Variants in NOS1AP observed in about 807,000 individuals in gnomAD.
NOS1AP encodes the protein nitric oxide synthase 1 adaptor protein.
In NOS1AP, 21 loss-of-function variants were observed where a neutral mutation model predicts 56.2. The ratio of observed to expected loss-of-function variants is 0.37; its 90% CI spans 0.26 to 0.54. The LOEUF (loss-of-function observed/expected upper bound fraction) is 0.54, where lower values mean the gene tolerates loss of function less well. Among genes scored for constraint, NOS1AP ranks in the 20% least tolerant of loss-of-function variants. The pLI is 0.84. For synonymous variants in NOS1AP, 270 were observed against 274.6 expected (o/e 0.98, Z 0.17); for missense variants, 522 against 657.8 (o/e 0.79, Z 2.26).
chr1:162,347,260 A>G (rs999921001), intron 6 of NOS1AP, among the ~76,000 whole-genome samples: 46 of 152,236 alleles, frequency 3.0e-4, no homozygotes, highest in African/African-American at 1.1e-3. Context: ...CCTGATTGGC[A>G]GAGAGCCACA....
intron 1 of NOS1AP, among the ~76,000 whole-genome samples, chr1:162,080,955 CAG>C (rs994462261): frequency 1.2e-4 from 18 of 152,160 alleles, no homozygotes; most frequent in Admixed American, 1.2e-3. Flanking sequence ...CATAGAGAGG[CAG>C]AGTAACTTGC....
intron 8 of NOS1AP, among the ~76,000 whole-genome samples, chr1:162,361,299 G>A (rs946922462): frequency 1.6e-4 from 25 of 152,210 alleles, no homozygotes; most frequent in African/African-American, 6.0e-4. Flanking sequence ...CCCATCTGGT[G>A]GGGAGGAGGT....
chr1:162,305,059 C>A (rs1655778393), intron 4 of NOS1AP, among the ~76,000 whole-genome samples: 2 of 151,950 alleles, frequency 1.3e-5, no homozygotes, highest in Non-Finnish European at 2.9e-5. Context: ...TTTATTAAGT[C>A]AAATTTTTTA....
Position 162,367,371 on chromosome 1 carries a change from G to C in NOS1AP, c.1425G>C (p.Glu475Asp). Residue 475 changes from glutamate to aspartate, a missense_variant, in exon 10 of 10, where the codon GAG (glutamate) becomes GAC (aspartate). Around this residue, in one of 4 missense-constraint regions of NOS1AP, gnomAD observed 160 missense variants for 180.3 expected, o/e 0.89. Transcript: ENST00000361897. This position sits in a 1 kb window ranked among gnomAD's most constrained non-coding sequence, Gnocchi z 6.5. ...EYESNTDESEERDSWSQEELP... is the reference protein window; with the variant it reads ...EYESNTDESEDRDSWSQEELP... ...AGTCCAACACGGACGAGAGCGAGGA[G>C]CGCGACTCGTGGTCCCAGGAGGAGC... 1 of 1,610,800 alleles carries C rather than the reference G, an allele frequency of 6.2e-7. No individual in the cohort carries two copies. The highest frequency in any genetic ancestry group is 8.5e-7 in the Non-Finnish European group (1 of 1,178,682).
chr1:162,237,904 GTCC>G (rs1187989610), intron 2 of NOS1AP, among the ~76,000 whole-genome samples: 1 of 152,070 alleles, frequency 6.6e-6, no homozygotes, highest in Non-Finnish European at 1.5e-5. Flanking sequence ...GTCCTTTGCT[GTCC>G]TCTTGTCTGC....
At chr1:162,209,983 C>A (rs1297797704) in intron 2 of NOS1AP, among the ~76,000 whole-genome samples, 1 of 152,142 alleles carries the variant, frequency 6.6e-6, no homozygotes, top group Non-Finnish European at 1.5e-5. Context: ...AGACGAGTGA[C>A]CAGACTAGAT....
intron 2 of NOS1AP, among the ~76,000 whole-genome samples, chr1:162,230,377 T>C (rs1030581243): frequency 6.6e-6 from 1 of 152,214 alleles, no homozygotes; most frequent in African/African-American, 2.4e-5. Flanking sequence ...GGACCCAATG[T>C]TGTGCCAGCT....
At chr1:162,125,156 C>T (rs777643293) in intron 1 of NOS1AP, among the ~76,000 whole-genome samples, 5 of 124,420 alleles carry the variant, frequency 4.0e-5, no homozygotes, top group South Asian at 2.3e-4. Flanking sequence ...TTTTTTAAGA[C>T]GGAGTCTCAC....
chr1:162,309,178 T>C lies in NOS1AP; in HGVS notation c.344+8472T>C, dbSNP rs533779225. Among the ~76,000 whole-genome samples, 13 of 152,376 alleles carry C rather than the reference T, an allele frequency of 8.5e-5. No individual in the cohort carries two copies. In the South Asian group the frequency reaches 2.3e-3, roughly 27 times the overall value. On this transcript the variant is annotated intron_variant, in intron 4 of 9. Coordinates refer to ENST00000361897, the MANE Select transcript of NOS1AP (RefSeq NM_014697.3). ...ATTTCTTGGGAAATCAGGATACCCA[T>C]GTAGTATGTTTCACTTAGTTAACAA...
chr1:162,225,529 G>A (rs149180194), intron 2 of NOS1AP, among the ~76,000 whole-genome samples: 9 of 152,348 alleles, frequency 5.9e-5, no homozygotes, highest in Non-Finnish European at 1.0e-4. Flanking sequence ...GTTTGTGGGA[G>A]TGTTTTTTGA....
intron 4 of NOS1AP, among the ~76,000 whole-genome samples, chr1:162,322,484 T>C (rs912619135): frequency 2.0e-5 from 3 of 152,152 alleles, no homozygotes; most frequent in African/African-American, 7.2e-5. Flanking sequence ...GCAGGTGGCA[T>C]GAGAGGTATG....
intron 4 of NOS1AP, among the ~76,000 whole-genome samples, chr1:162,324,205 GC>G (rs1252133547): frequency 1.3e-5 from 2 of 151,998 alleles, no homozygotes; most frequent in African/African-American, 2.4e-5. Flanking sequence ...GATGGTTTAA[GC>G]CCCCCAAATG....
At chr1:162,241,644 G>T (rs1653491033) in intron 2 of NOS1AP, among the ~76,000 whole-genome samples, 1 of 152,076 alleles carries the variant, frequency 6.6e-6, no homozygotes, top group Admixed American at 6.5e-5. Flanking sequence ...GCACAATGTG[G>T]GAGAGAGAAT....
intron 2 of NOS1AP, among the ~76,000 whole-genome samples, chr1:162,162,686 A>G (rs1332019006): frequency 6.6e-6 from 1 of 152,160 alleles, no homozygotes; most frequent in Non-Finnish European, 1.5e-5. Context: ...ATTTGTGTTT[A>G]ATTTATAAAT....
At chr1:162,121,350 C>T (rs950499123) in intron 1 of NOS1AP, among the ~76,000 whole-genome samples, 17 of 151,928 alleles carry the variant, frequency 1.1e-4, no homozygotes, top group Admixed American at 3.9e-4. Flanking sequence ...AACTCCTGAC[C>T]TCAAGTGATC....
chr1:162,217,751 T>C (rs1257043558), intron 2 of NOS1AP, among the ~76,000 whole-genome samples: 1 of 152,194 alleles, frequency 6.6e-6, no homozygotes, highest in African/African-American at 2.4e-5. Context: ...CTTTATCCTG[T>C]CCTCTTTTCT....
intron 3 of NOS1AP, among the ~76,000 whole-genome samples, chr1:162,291,797 G>A (rs1257681791): frequency 1.3e-5 from 2 of 152,190 alleles, no homozygotes; most frequent in Admixed American, 6.5e-5. Flanking sequence ...ATAATTAGCT[G>A]TACTTTGATG....
intron 1 of NOS1AP, among the ~76,000 whole-genome samples, chr1:162,133,993 G>C (rs992344065): frequency 1.3e-5 from 2 of 152,048 alleles, no homozygotes; most frequent in African/African-American, 4.8e-5. Context: ...GAGGAGAGAA[G>C]GAAGAGAAGA....
At chr1:162,125,331 A>G (rs1391228476) in intron 1 of NOS1AP, among the ~76,000 whole-genome samples, 1 of 151,626 alleles carries the variant, frequency 6.6e-6, no homozygotes, top group Non-Finnish European at 1.5e-5. Flanking sequence ...ATGGGGTTTC[A>G]CCATGTGGCC....
Sources: allele counts gnomAD v4.1 joint callset (sites outside exome capture counted in the v4.1 genomes callset), GRCh38; gene constraint gnomAD v4.1.1; regional missense constraint gnomAD v4.1.1; non-coding constraint Gnocchi (gnomAD v3.1); transcripts MANE v1.5; gene names NCBI Gene and HGNC (gene_info 2026-07-23, HGNC 2026-07-21).